TYW3: variants seen among roughly 807,000 people sequenced by gnomAD.
The protein encoded by TYW3 is tRNA wybutosine-synthesizing protein 3 homolog.
TYW3 carries 26 observed loss-of-function variants against 23.1 expected under a neutral mutation model. That is an observed-to-expected ratio of 1.13 (90% confidence interval 0.83 to 1.56). TYW3 has a LOEUF of 1.56. TYW3 is among the 40% of genes most tolerant of loss of function. TYW3 has a pLI of 0.00. For synonymous variants in TYW3, 102 were observed against 105.7 expected (o/e 0.97, Z 0.21); for missense variants, 316 against 311.9 (o/e 1.01, Z -0.10).
chr1:74,752,476 TG>T, intron 5 of TYW3, 51 bp downstream of exon 5: 1 of 1,538,142 alleles, frequency 6.5e-7, no homozygotes, highest in East Asian at 2.3e-5. Flanking sequence ...AGATCATCCT[TG>T]AAAACATTAA....
chr1:74,739,782 T>C (rs1471680229), intron 3 of TYW3, among the ~76,000 whole-genome samples: 5 of 152,218 alleles, frequency 3.3e-5, no homozygotes, highest in African/African-American at 9.7e-5. Flanking sequence ...GTGCAGTAAG[T>C]GAAAAGATAC....
intron 2 of TYW3, among the ~76,000 whole-genome samples, chr1:74,738,159 C>T (rs1648218680): frequency 6.6e-6 from 1 of 152,034 alleles, no homozygotes; most frequent in Non-Finnish European, 1.5e-5. Flanking sequence ...AACAACTGTG[C>T]CTGTTACAGA....
chr1:74,747,839 A>G (rs1204664116), intron 3 of TYW3, among the ~76,000 whole-genome samples: 1 of 151,834 alleles, frequency 6.6e-6, no homozygotes, highest in Non-Finnish European at 1.5e-5. Context: ...GGGTGCGTAT[A>G]TATGTGTATA....
chr1:74,749,742 G>A (rs181484247), intron 4 of TYW3, among the ~76,000 whole-genome samples: 16 of 152,238 alleles, frequency 1.1e-4, no homozygotes, highest in Admixed American at 9.8e-4. Context: ...CAAGGCAGGC[G>A]AATCACGAGG....
chr1:74,748,828 A>G lies in TYW3; in HGVS notation c.426+6A>G, dbSNP rs760506605. 6.2e-7 allele frequency: 1 copy of G among 1,613,508 alleles called. No homozygotes were observed. Among genetic ancestry groups the G allele is most frequent in the East Asian group, 2.2e-5 (1 of 44,838 alleles). Reference sequence around the variant, plus strand: ...AGAGAGGAAAAACTATGTTGGTAAGATATTTTGTCAAAGAGTAATTTTTTT... The same window carrying G: ...AGAGAGGAAAAACTATGTTGGTAAGGTATTTTGTCAAAGAGTAATTTTTTT... On this transcript the variant is annotated splice_donor_region_variant and intron_variant, in intron 4 of 5. Coordinates refer to ENST00000370867, the MANE Select transcript of TYW3 (RefSeq NM_138467.3).
chr1:74,748,370 A>C (rs1648660527), intron 3 of TYW3, among the ~76,000 whole-genome samples: 1 of 152,220 alleles, frequency 6.6e-6, no homozygotes, highest in Non-Finnish European at 1.5e-5. Context: ...TAAGCAATAG[A>C]AGGGATATTG....
chr1:74,753,253 C>G (rs1648849531), intron 5 of TYW3, among the ~76,000 whole-genome samples: 1 of 152,172 alleles, frequency 6.6e-6, no homozygotes, highest in Non-Finnish European at 1.5e-5. Flanking sequence ...CTGAATATCT[C>G]TTCAGTCATT....
chr1:74,747,863 A>G (rs1424193629), intron 3 of TYW3, among the ~76,000 whole-genome samples: 1 of 130,250 alleles, frequency 7.7e-6, no homozygotes, highest in South Asian at 2.2e-4. Context: ...ATATGTATGT[A>G]TACATACACA....
chr1:74,763,869 A>G (rs371697644), intron 5 of TYW3, 25 bp from the exon 6 acceptor site: 1 of 1,558,392 alleles, frequency 6.4e-7, no homozygotes, highest in Non-Finnish European at 8.7e-7. Context: ...ACACAGATAT[A>G]ATAGTAGTAC....
chr1:74,739,281 G>A (rs139752727), intron 3 of TYW3, among the ~76,000 whole-genome samples: 288 of 152,104 alleles, frequency 1.9e-3, no homozygotes, highest in Middle Eastern at 6.8e-3. Flanking sequence ...AGTACTAGGG[G>A]CACAGTGATG....
Position 74,752,321 on chromosome 1 carries a change from TC to T in TYW3, c.458del (p.Pro153HisfsTer2). 1 of 1,612,652 alleles carries T rather than the reference TC, an allele frequency of 6.2e-7. No individual in the cohort carries two copies. The highest frequency in any genetic ancestry group is 1.7e-5 in the Admixed American group (1 of 59,950). On this transcript the variant is annotated frameshift_variant, in exon 5 of 6. Transcript: ENST00000370867. LOFTEE classifies it high-confidence loss of function. Reference protein sequence around the residue: ...AVRSTHGLEVPLSHKGKLMVT... With the variant: ...AVRSTHGLEVXLSHKGKLMVT... ...TCCGGAGTACACATGGCTTAGAAGT[TC>T]CATTAAGCCATAAGGGAAAACTGAT...
chr1:74,750,752 G>T (rs1648753028), intron 4 of TYW3, among the ~76,000 whole-genome samples: 1 of 149,356 alleles, frequency 6.7e-6, no homozygotes. Context: ...CCACAGATAA[G>T]TGGTGCCTCT....
intron 5 of TYW3, 80 bp downstream of exon 5, chr1:74,752,505 T>A: frequency 8.0e-7 from 1 of 1,247,342 alleles, no homozygotes; most frequent in South Asian, 1.7e-5. Flanking sequence ...TATCTTCAGT[T>A]TATAATGCCA....
chr1:74,743,978 G>T (rs1203010493), intron 3 of TYW3, among the ~76,000 whole-genome samples: 2 of 152,128 alleles, frequency 1.3e-5, no homozygotes, highest in African/African-American at 4.8e-5. Context: ...CAGAGAGGGA[G>T]AAGGAGACAT....
chr1:74,760,168 G>A (rs1489455413), intron 5 of TYW3, among the ~76,000 whole-genome samples: 3 of 152,254 alleles, frequency 2.0e-5, no homozygotes, highest in East Asian at 3.9e-4. Context: ...CATCACAAAA[G>A]CCTTTGTCTT....
rs973054780 is a variant in TYW3, at chr1:74,765,699, G to A, written c.*1586G>A. 1 of 152,214 alleles carries A rather than the reference G, an allele frequency of 6.6e-6. No individual in the cohort carries two copies. Among genetic ancestry groups the A allele is most frequent in the Admixed American group, 6.5e-5 (1 of 15,276 alleles). The allele number at this position is 152,214 out of a possible 1,614,324, so 9.4% of individuals were successfully genotyped here. On this transcript the variant is annotated 3_prime_UTR_variant, in exon 6 of 6. Transcript: ENST00000370867. ...AGTGCAGGTGGAACGAGCCTATCCTGTGGTGAAATGACAACACATTCTGCA... is the reference window on the plus strand; with the variant it reads ...AGTGCAGGTGGAACGAGCCTATCCTATGGTGAAATGACAACACATTCTGCA...
chr1:74,764,540 T>G lies in TYW3; in HGVS notation c.*427T>G, dbSNP rs2100781920. 1 of 153,730 alleles carries G rather than the reference T, an allele frequency of 6.5e-6. No homozygotes were observed. Among genetic ancestry groups the G allele is most frequent in the African/African-American group, 2.4e-5 (1 of 41,616 alleles). The allele number at this position is 153,730 out of a possible 1,614,324, so 9.5% of individuals were successfully genotyped here. A position where few individuals can be genotyped will look rare whatever the true frequency, so the allele number is the denominator to read the frequency against. ...TAGTGGATATTTTAATGCTGGAAAT[T>G]AGCATTATAGTTGATATGCCAGAAA... is the stretch of plus-strand genomic sequence containing the variant. On this transcript the variant is annotated 3_prime_UTR_variant, in exon 6 of 6. Coordinates refer to ENST00000370867, the MANE Select transcript of TYW3 (RefSeq NM_138467.3).
In TYW3 at chr1:74,736,586, A is replaced by G; in HGVS notation, c.219A>G (p.Leu73=). The stretch of plus-strand genomic sequence containing the variant: ...TTCAGAAACAAAACTGTTGCTGGCT[A>G]CTGGTTACACACAAACTTTGTGTAA... ...FEVQKQNCCW[L]LVTHKLCVKD... The change falls in exon 2 of 6, where the codon CTA becomes CTG. Residue 73 remains leucine (L), a synonymous_variant. Coordinates refer to ENST00000370867, the MANE Select transcript of TYW3 (RefSeq NM_138467.3). 1.2e-6 allele frequency: 2 copies of G among 1,604,556 alleles called. No individual in the cohort carries two copies. The highest frequency in any genetic ancestry group is 1.1e-5 in the South Asian group (1 of 88,316).
chr1:74,754,297 C>T (rs1648880975), intron 5 of TYW3, among the ~76,000 whole-genome samples: 1 of 152,142 alleles, frequency 6.6e-6, no homozygotes, highest in Non-Finnish European at 1.5e-5. Flanking sequence ...ATGCTTAAAT[C>T]CATTGACTCA....
Sources: gnomAD v4.1 joint callset for allele counts (sites outside exome capture counted in the v4.1 genomes callset) on GRCh38, gnomAD v4.1.1 for gene constraint, MANE v1.5 for transcripts, NCBI Gene and HGNC (gene_info 2026-07-23, HGNC 2026-07-21) for gene names.